SORCS3: variants seen among roughly 807,000 people sequenced by gnomAD.
SORCS3 encodes sortilin related VPS10 domain containing receptor 3.
SORCS3 carries 57 observed loss-of-function variants against 146.3 expected under a neutral mutation model. The observed-to-expected ratio is 0.39, with a 90% CI of 0.31 to 0.49. SORCS3 has a LOEUF of 0.49. Among genes scored for constraint, SORCS3 ranks in the 20% least tolerant of loss-of-function variants. SORCS3 has a pLI of 0.92. For missense variants in SORCS3, 1,341 were observed against 1,575.5 expected, an observed-to-expected ratio of 0.85 and a Z score of 2.52; for synonymous variants, 653 against 618.5, an observed-to-expected ratio of 1.06 and a Z score of -0.83.
intron 2 of SORCS3, among the ~76,000 whole-genome samples, chr10:104,901,595 C>G (rs1286171943): frequency 2.6e-5 from 4 of 152,162 alleles, no homozygotes; most frequent in African/African-American, 9.7e-5. Flanking sequence ...CAAACCTTCC[C>G]CTCACCTACA....
At chr10:105,038,034 AT>A (rs766303105) in intron 4 of SORCS3, among the ~76,000 whole-genome samples, 36 of 152,198 alleles carry the variant, frequency 2.4e-4, no homozygotes, top group Non-Finnish European at 4.4e-4. Context: ...CCAGTGATTC[AT>A]TTAGTCCTCG....
intron 2 of SORCS3, among the ~76,000 whole-genome samples, chr10:104,914,206 A>G (rs1456370548): frequency 6.6e-6 from 1 of 152,154 alleles, no homozygotes; most frequent in Non-Finnish European, 1.5e-5. Flanking sequence ...TCCTCTTATG[A>G]AGGGAGTTTT....
At chr10:105,129,739 G>A (rs968427914) in intron 7 of SORCS3, among the ~76,000 whole-genome samples, 3 of 151,724 alleles carry the variant, frequency 2.0e-5, no homozygotes, top group African/African-American at 7.3e-5. Flanking sequence ...GCTCAGGTGA[G>A]CATCCTAAGA....
chr10:104,816,176 G>A (rs1051924879), intron 1 of SORCS3, among the ~76,000 whole-genome samples: 1 of 152,064 alleles, frequency 6.6e-6, no homozygotes, highest in African/African-American at 2.4e-5. Flanking sequence ...GGCAGGTCTG[G>A]GCCAGCATAC....
chr10:104,892,089 ACTG>A (rs1036011079), intron 2 of SORCS3, among the ~76,000 whole-genome samples: 1 of 152,246 alleles, frequency 6.6e-6, no homozygotes, highest in African/African-American at 2.4e-5. Context: ...ACAACTTTAT[ACTG>A]CTGGAAGTTG....
intron 2 of SORCS3, among the ~76,000 whole-genome samples, chr10:104,914,478 G>T (rs1013081159): frequency 2.0e-4 from 31 of 152,132 alleles, no homozygotes; most frequent in African/African-American, 6.5e-4. Flanking sequence ...TTGGATGAGG[G>T]TGGGGGTGAC....
At chr10:105,068,995 A>G (rs73344325) in intron 5 of SORCS3, among the ~76,000 whole-genome samples, 8,968 of 152,284 alleles carry the variant, frequency 0.059, 282 homozygotes, top group Middle Eastern at 0.088. Flanking sequence ...TGATTTTCTT[A>G]CATGTGAACA....
intron 4 of SORCS3, among the ~76,000 whole-genome samples, chr10:104,992,695 T>C (rs1171203017): frequency 6.6e-6 from 1 of 152,192 alleles, no homozygotes; most frequent in East Asian, 1.9e-4. Flanking sequence ...CAAAGTGCCC[T>C]GGCACACATG....
chr10:104,968,344 G>A (rs2054839131), intron 3 of SORCS3, among the ~76,000 whole-genome samples: 1 of 152,180 alleles, frequency 6.6e-6, no homozygotes, highest in South Asian at 2.1e-4. Flanking sequence ...TCGAACTCCT[G>A]ACCTCAGGTG....
chr10:104,782,049 C>A (rs1196453447), intron 1 of SORCS3, among the ~76,000 whole-genome samples: 1 of 152,226 alleles, frequency 6.6e-6, no homozygotes, highest in East Asian at 1.9e-4. Flanking sequence ...CCCACAGACA[C>A]ACTCACAAAT....
At chr10:104,743,718 C>A (rs74715619) in intron 1 of SORCS3, among the ~76,000 whole-genome samples, 1,632 of 152,212 alleles carry the variant, frequency 0.011, 28 homozygotes, top group African/African-American at 0.037. Flanking sequence ...CATATTCTCC[C>A]CTAAGCCCCC....
chr10:105,113,809 C>A (rs2133759509), intron 7 of SORCS3, among the ~76,000 whole-genome samples: 1 of 152,148 alleles, frequency 6.6e-6, no homozygotes, highest in African/African-American at 2.4e-5. Context: ...GGTTTTGTAG[C>A]AAAATCAAAA....
At chr10:104,750,961 T>A (rs2016975967) in intron 1 of SORCS3, among the ~76,000 whole-genome samples, 1 of 152,188 alleles carries the variant, frequency 6.6e-6, no homozygotes, top group Non-Finnish European at 1.5e-5. Context: ...CGGAATATCG[T>A]GTCTATAATA....
chr10:105,141,400 G>A (rs1278114114), intron 8 of SORCS3, among the ~76,000 whole-genome samples: 1 of 152,192 alleles, frequency 6.6e-6, no homozygotes, highest in African/African-American at 2.4e-5. Flanking sequence ...TGAAGAGGTG[G>A]GGACAGAGAG....
chr10:104,991,964 A>G (rs1386337261), intron 4 of SORCS3, among the ~76,000 whole-genome samples: 1 of 152,240 alleles, frequency 6.6e-6, no homozygotes, highest in Non-Finnish European at 1.5e-5. Context: ...GATGCATTTC[A>G]GCCCATAAGA....
intron 1 of SORCS3, among the ~76,000 whole-genome samples, chr10:104,803,343 C>T (rs2017645585): frequency 1.3e-5 from 2 of 152,106 alleles, no homozygotes; most frequent in South Asian, 2.1e-4. Context: ...GATCCCAAGA[C>T]TCTGTTAAGT....
chr10:104,653,625 G>T lies in SORCS3; in HGVS notation c.627+11671G>T, dbSNP rs2015588766. Among the ~76,000 whole-genome samples the T allele has an allele frequency of 2.6e-5, 4 of 152,248 alleles. No homozygotes were observed. In the South Asian group the frequency reaches 8.3e-4, roughly 32 times the overall value. ...ATGATGAATCATATGGTCACCCAGT[G>T]CTTGGGAGATATTAATGCTTTAAAA... On this transcript the variant is annotated intron_variant, in intron 1 of 26. Transcript: ENST00000369701.
At chr10:104,724,241 G>A (rs1341134628) in intron 1 of SORCS3, among the ~76,000 whole-genome samples, 3 of 152,122 alleles carry the variant, frequency 2.0e-5, no homozygotes, top group Non-Finnish European at 4.4e-5. Flanking sequence ...ATGAAGCTTA[G>A]TTTGGCTGGA....
intron 1 of SORCS3, among the ~76,000 whole-genome samples, chr10:104,696,595 C>G (rs1418323814): frequency 1.2e-5 from 1 of 80,246 alleles, no homozygotes; most frequent in Non-Finnish European, 2.2e-5. Flanking sequence ...ATATTATATA[C>G]GTATATATTA....
Sources: allele counts gnomAD v4.1 joint callset (sites outside exome capture counted in the v4.1 genomes callset), GRCh38; gene constraint gnomAD v4.1.1; transcripts MANE v1.5; gene names NCBI Gene and HGNC (gene_info 2026-07-23, HGNC 2026-07-21).